SEC23IP: variants seen among roughly 807,000 people sequenced by gnomAD.
The protein encoded by SEC23IP is SEC23 interacting protein, also known as SEC23-interacting protein.
SEC23IP carries 70 observed loss-of-function variants against 113.4 expected under a neutral mutation model. The observed-to-expected ratio is 0.62, with a 90% CI of 0.51 to 0.75. SEC23IP has a LOEUF of 0.75. Among genes scored for constraint, SEC23IP ranks in the 30% least tolerant of loss-of-function variants. SEC23IP has a pLI of 0.00. For synonymous variants in SEC23IP, 398 were observed against 421.0 expected (o/e 0.95, Z 0.67); for missense variants, 1,160 against 1,204.9 (o/e 0.96, Z 0.55).
Position 119,917,984 on chromosome 10 carries a change from C to T in SEC23IP, c.1693C>T (p.Leu565Phe), listed in dbSNP as rs1301363778. The T allele has an allele frequency of 6.2e-7, 1 of 1,614,110 alleles. No individual in the cohort carries two copies. Among genetic ancestry groups the T allele is most frequent in the Admixed American group, 1.7e-5 (1 of 60,022 alleles). ...AATGGAGATAAACCATCTGCATGCA[C>T]TCTTTATGAGTCGGAACCCAGACTT... ...VGMEINHLHALFMSRNPDFKG... is the reference protein window; with the variant it reads ...VGMEINHLHAFFMSRNPDFKG... The change falls in exon 9 of 19, where the codon CTC becomes TTC. Residue 565 changes from leucine (L) to phenylalanine (F), a missense_variant. Physicochemically the swap from Leu to Phe is conservative, Grantham distance 22. Coordinates refer to ENST00000369075, the MANE Select transcript of SEC23IP (RefSeq NM_007190.4).
chr10:119,934,436 C>T (rs1855709515), intron 18 of SEC23IP, among the ~76,000 whole-genome samples: 1 of 152,180 alleles, frequency 6.6e-6, no homozygotes, highest in African/African-American at 2.4e-5. Context: ...CATTCCCAAT[C>T]TTTATAGAGG....
intron 7 of SEC23IP, among the ~76,000 whole-genome samples, 179 bp from the exon 8 acceptor site, chr10:119,915,569 C>T (rs1754785091): frequency 6.6e-6 from 1 of 152,090 alleles, no homozygotes; most frequent in Admixed American, 6.5e-5. Context: ...AAGAGGTTCC[C>T]AAAAGTTACT....
chr10:119,915,880 G>C lies in SEC23IP; in HGVS notation c.1535G>C (p.Gly512Ala). The C allele has an allele frequency of 6.5e-7, 1 of 1,540,200 alleles. No individual in the cohort carries two copies. The highest frequency in any genetic ancestry group is 8.8e-7 in the Non-Finnish European group (1 of 1,141,778). ...WHSSLGGDATGVDRNIKKITL... is the reference protein window; with the variant it reads ...WHSSLGGDATAVDRNIKKITL... ...AGTTCTTTGGGTGGGGACGCCACAG[G>C]TGTGGACAGGTTTGTGGATTTTGAT... The change falls in exon 8 of 19, where the codon GGT (glycine) becomes GCT (alanine). Residue 512 changes from glycine (G) to alanine (A), a missense_variant. Gly to Ala is a moderately conservative substitution (Grantham distance 60). Transcript: ENST00000369075.
intron 15 of SEC23IP, 59 bp downstream of exon 15, chr10:119,930,490 A>G: frequency 9.7e-7 from 1 of 1,028,764 alleles, no homozygotes; most frequent in Non-Finnish European, 1.5e-6. Flanking sequence ...GTAATGAATT[A>G]TGAAAATTTT....
chr10:119,929,417 G>A (rs1163697480), intron 13 of SEC23IP, among the ~76,000 whole-genome samples, 190 bp from the exon 14 acceptor site: 2 of 152,026 alleles, frequency 1.3e-5, no homozygotes, highest in African/African-American at 4.8e-5. Context: ...TATATTTTTA[G>A]TAGAGACAGG....
intron 18 of SEC23IP, among the ~76,000 whole-genome samples, chr10:119,940,026 C>G (rs1318695172): frequency 6.6e-6 from 1 of 151,892 alleles, no homozygotes; most frequent in Non-Finnish European, 1.5e-5. Flanking sequence ...GTCTTTTACT[C>G]TCTGTACTGG....
At chr10:119,925,891 G>A in intron 12 of SEC23IP, 145 bp from the exon 13 acceptor site, 1 of 704,868 alleles carries the variant, frequency 1.4e-6, no homozygotes, top group South Asian at 2.3e-5. Flanking sequence ...GAATAAAAAG[G>A]CATTTTTTAA....
Position 119,909,222 on chromosome 10 carries a change from A to G in SEC23IP, c.1191+92A>G. Reference sequence around the variant, plus strand: ...AAATTGTTCATTTTTAGTAACTTCTACAGTGGGAATGTTTTTGTAACAAGT... The same window carrying G: ...AAATTGTTCATTTTTAGTAACTTCTGCAGTGGGAATGTTTTTGTAACAAGT... On this transcript the variant is annotated intron_variant, in intron 5 of 18. Coordinates refer to ENST00000369075, the MANE Select transcript of SEC23IP (RefSeq NM_007190.4). 4 of 766,412 alleles carry G rather than the reference A, an allele frequency of 5.2e-6. No homozygotes were observed. The South Asian group carries it at 7.2e-5, about 14-fold the overall frequency. The allele number at this position is 766,412 out of a possible 1,614,324, so 47.5% of individuals were successfully genotyped here.
chr10:119,918,527 G>C lies in SEC23IP; in HGVS notation c.1872+16G>C. 1 of 1,422,076 alleles carries C rather than the reference G, an allele frequency of 7.0e-7. No homozygotes were observed. The highest frequency in any genetic ancestry group is 9.9e-7 in the Non-Finnish European group (1 of 1,007,256). 88.1% of individuals were successfully genotyped at this position (1,422,076 alleles called of 1,614,324 possible). A position where few individuals can be genotyped will look rare whatever the true frequency, so the allele number is the denominator to read the frequency against. ...GGAAAAGCAGGTACGTCTGTACGTG[G>C]CCAATTAACATTTCGATTTAGAGTC... On this transcript the variant is annotated intron_variant, in intron 10 of 18. Coordinates refer to ENST00000369075, the MANE Select transcript of SEC23IP (RefSeq NM_007190.4).
chr10:119,906,677 G>A (rs1344608245), intron 4 of SEC23IP, among the ~76,000 whole-genome samples: 1 of 152,096 alleles, frequency 6.6e-6, no homozygotes, highest in Admixed American at 6.6e-5. Context: ...CTGGGTTCAA[G>A]CGATTCTCCT....
chr10:119,904,335 T>A (rs1854594515), intron 4 of SEC23IP, 58 bp downstream of exon 4: 1 of 1,435,774 alleles, frequency 7.0e-7, no homozygotes, highest in Non-Finnish European at 9.8e-7. Flanking sequence ...CTATATACAT[T>A]GGTGAGTAAC....
intron 17 of SEC23IP, 60 bp downstream of exon 17, chr10:119,933,227 A>C: frequency 7.0e-7 from 1 of 1,429,248 alleles, no homozygotes; most frequent in Non-Finnish European, 9.8e-7. Context: ...ACGTGCAGCA[A>C]TTTTAGTTTT....
intron 12 of SEC23IP, among the ~76,000 whole-genome samples, chr10:119,924,567 C>T (rs1003414192): frequency 6.6e-6 from 1 of 151,754 alleles, no homozygotes; most frequent in Non-Finnish European, 1.5e-5. Flanking sequence ...TACAGGCGCG[C>T]GCCACCATGC....
chr10:119,927,161 G>C (rs74374567), intron 13 of SEC23IP, among the ~76,000 whole-genome samples: 1 of 152,210 alleles, frequency 6.6e-6, no homozygotes, highest in African/African-American at 2.4e-5. Flanking sequence ...GCTTCGCAAA[G>C]TGCCAGGATT....
In SEC23IP at chr10:119,919,499, A is replaced by T. The variant is rs374164095; in HGVS notation, c.1928A>T (p.Asn643Ile). ...GAGTCGTATGACCTTGTTGTTGAAA[A>T]TAAAGAAGTCCTAACTTTGCAAGAA... ...LDESYDLVVE[N>I]KEVLTLQETL... Residue 643 changes from asparagine (N) to isoleucine (I), a missense_variant, in exon 11 of 19, where the codon AAT (asparagine) becomes ATT (isoleucine). By Grantham distance (149) the Asn-to-Ile change is moderately radical (BLOSUM62 -3). Coordinates refer to ENST00000369075, the MANE Select transcript of SEC23IP (RefSeq NM_007190.4). The T allele has an allele frequency of 2.5e-6, 4 of 1,613,448 alleles. No individual in the cohort carries two copies. The highest frequency in any genetic ancestry group is 3.4e-6 in the Non-Finnish European group (4 of 1,179,830).
chr10:119,895,615 C>T (rs1854255898), intron 1 of SEC23IP, among the ~76,000 whole-genome samples: 1 of 152,156 alleles, frequency 6.6e-6, no homozygotes, highest in South Asian at 2.1e-4. Context: ...GAATGGATGT[C>T]CCTTAGGCCT....
At chr10:119,907,426 A>C (rs1291809329) in intron 4 of SEC23IP, among the ~76,000 whole-genome samples, 1 of 152,232 alleles carries the variant, frequency 6.6e-6, no homozygotes, top group Admixed American at 6.5e-5. Context: ...TTTTAAAAAA[A>C]AGACTTTGTA....
At position 119,942,700 on chromosome 10, in the gene SEC23IP, GGTGAAAGAGTCATCACA is replaced by G. The variant is rs1374335833; in HGVS notation, c.*2138_*2154del. 1.3e-5 allele frequency: 2 copies of G among 152,202 alleles called. No homozygotes were observed. Among genetic ancestry groups the G allele is most frequent in the Non-Finnish European group, 2.9e-5 (2 of 68,040 alleles). 9.4% of individuals were successfully genotyped at this position (152,202 alleles called of 1,614,324 possible). On this transcript the variant is annotated 3_prime_UTR_variant, in exon 19 of 19. Transcript: ENST00000369075. Reference sequence around the variant, plus strand: ...AAAAGCGCCAGCATCTGAAGTCAAAGGTGAAAGAGTCATCACAGTACTGATGAAGACACCCAGGCCTC... The same window carrying G: ...AAAAGCGCCAGCATCTGAAGTCAAAGGTACTGATGAAGACACCCAGGCCTC...
At chr10:119,929,350 T>C (rs1033977424) in intron 13 of SEC23IP, among the ~76,000 whole-genome samples, 3 of 152,084 alleles carry the variant, frequency 2.0e-5, no homozygotes, top group East Asian at 1.9e-4. Context: ...TCTTCTGCCT[T>C]AGCCTCCCAA....
Sources: allele counts gnomAD v4.1 joint callset (sites outside exome capture counted in the v4.1 genomes callset), GRCh38; gene constraint gnomAD v4.1.1; transcripts MANE v1.5; gene names NCBI Gene and HGNC (gene_info 2026-07-23, HGNC 2026-07-21).